The following NKAIN2 variants were observed in gnomAD, a reference collection of about 807,000 sequenced individuals.
NKAIN2 encodes the protein sodium/potassium transporting ATPase interacting 2.
Under a neutral mutation model 32.6 loss-of-function variants are expected in NKAIN2, and 14 were observed. That is an observed-to-expected ratio of 0.43 (90% CI 0.28 to 0.67). The LOEUF (loss-of-function observed/expected upper bound fraction) is 0.67. NKAIN2 is among the 30% of genes least tolerant of loss of function. The pLI, the probability that NKAIN2 is intolerant of heterozygous loss-of-function variation, is 0.17. For synonymous variants in NKAIN2, 80 were observed against 87.2 expected, an observed-to-expected ratio of 0.92 and a Z score of 0.46; for missense variants, 198 against 258.3, an observed-to-expected ratio of 0.77 and a Z score of 1.60.
At chr6:124,006,456 G>A (rs532666962) in intron 1 of NKAIN2, among the ~76,000 whole-genome samples, 4 of 152,284 alleles carry the variant, frequency 2.6e-5, no homozygotes, top group African/African-American at 9.6e-5. Flanking sequence ...AGTTTCTAGT[G>A]ATAGAAACAC....
chr6:124,150,125 C>A (rs533514389), intron 1 of NKAIN2, among the ~76,000 whole-genome samples: 1 of 152,294 alleles, frequency 6.6e-6, no homozygotes, highest in African/African-American at 2.4e-5. Flanking sequence ...CCCCTGGGCT[C>A]TGCAGAACCT....
chr6:124,281,765 G>A (rs1183039621), intron 1 of NKAIN2, among the ~76,000 whole-genome samples: 1 of 152,104 alleles, frequency 6.6e-6, no homozygotes, highest in Non-Finnish European at 1.5e-5. Context: ...ACTGCAGTAG[G>A]AATAATGATC....
At chr6:124,574,137 T>G (rs1781239844) in intron 3 of NKAIN2, among the ~76,000 whole-genome samples, 1 of 152,206 alleles carries the variant, frequency 6.6e-6, no homozygotes, top group Non-Finnish European at 1.5e-5. Context: ...TGGAGGCAGC[T>G]GCAGGGCAAC....
chr6:124,318,927 T>C (rs566173176), intron 2 of NKAIN2, among the ~76,000 whole-genome samples: 1 of 152,242 alleles, frequency 6.6e-6, no homozygotes, highest in South Asian at 2.1e-4. Flanking sequence ...TGAACATTTC[T>C]CCCTTTAGAA....
chr6:124,436,025 T>C (rs1047249922), intron 3 of NKAIN2, among the ~76,000 whole-genome samples: 8 of 152,308 alleles, frequency 5.3e-5, no homozygotes, highest in South Asian at 2.1e-4. Context: ...AAAGTTAAGC[T>C]AACCCCAATA....
Position 124,411,125 on chromosome 6 carries a change from C to T in NKAIN2, c.273+55778C>T, listed in dbSNP as rs370835113. ...AATACAGCACACTGATGGGTCTTGA[C>T]TCTTTATCCAGTTTGCCAGTCTGTG... On this transcript the variant is annotated intron_variant, in intron 3 of 6. Coordinates refer to ENST00000368417, the MANE Select transcript of NKAIN2 (RefSeq NM_001040214.3). Among the ~76,000 whole-genome samples the T allele has an allele frequency of 2.7e-4, 41 of 152,222 alleles. No homozygotes were observed. In the East Asian group the frequency reaches 6.2e-3, roughly 23 times the overall value.
intron 3 of NKAIN2, among the ~76,000 whole-genome samples, chr6:124,529,495 T>C (rs1335923132): frequency 6.6e-6 from 1 of 152,182 alleles, no homozygotes; most frequent in East Asian, 1.9e-4. Context: ...TATATTTCAT[T>C]TCCCTTTAGT....
intron 3 of NKAIN2, among the ~76,000 whole-genome samples, chr6:124,421,960 G>A (rs1413272495): frequency 1.3e-5 from 2 of 152,020 alleles, no homozygotes; most frequent in East Asian, 1.9e-4. Context: ...CCAAAGTGGC[G>A]TATTTTGGGG....
chr6:123,938,079 T>G (rs1046925231), intron 1 of NKAIN2, among the ~76,000 whole-genome samples: 13 of 132,158 alleles, frequency 9.8e-5, no homozygotes, highest in Admixed American at 8.6e-4. Flanking sequence ...CCATCCAGTC[T>G]TCTTTGGTGA....
intron 2 of NKAIN2, among the ~76,000 whole-genome samples, chr6:124,292,032 T>G (rs1562475017): frequency 6.6e-6 from 1 of 152,194 alleles, no homozygotes; most frequent in Non-Finnish European, 1.5e-5. Context: ...TTTCAACATT[T>G]GCCTTTGCTA....
At chr6:124,501,028 G>T (rs986397717) in intron 3 of NKAIN2, among the ~76,000 whole-genome samples, 1 of 152,164 alleles carries the variant, frequency 6.6e-6, no homozygotes, top group Non-Finnish European at 1.5e-5. Flanking sequence ...GCAGTGCGGA[G>T]CCATTGTACA....
intron 1 of NKAIN2, among the ~76,000 whole-genome samples, chr6:124,067,512 C>G (rs1298217619): frequency 1.3e-5 from 2 of 152,128 alleles, no homozygotes; most frequent in Non-Finnish European, 2.9e-5. Flanking sequence ...GACCAGATAT[C>G]TAATTACCAC....
chr6:123,864,188 G>A (rs1775896522), intron 1 of NKAIN2, among the ~76,000 whole-genome samples: 1 of 152,104 alleles, frequency 6.6e-6, no homozygotes, highest in African/African-American at 2.4e-5. Context: ...GATTTCTATA[G>A]CCTGTTTTAA....
intron 3 of NKAIN2, among the ~76,000 whole-genome samples, chr6:124,473,399 A>G (rs754301761): frequency 2.6e-5 from 4 of 152,196 alleles, no homozygotes; most frequent in Non-Finnish European, 2.9e-5. Flanking sequence ...TTAAAATTTG[A>G]AAAACATTGC....
chr6:123,933,763 C>CGTA (rs1776375299), intron 1 of NKAIN2, among the ~76,000 whole-genome samples: 1 of 152,220 alleles, frequency 6.6e-6, no homozygotes, highest in Non-Finnish European at 1.5e-5. Context: ...CAGTCATAGG[C>CGTA]GTAGCCCTTA....
chr6:124,240,678 T>TG lies in NKAIN2; in HGVS notation c.55-42327_55-42326insG, dbSNP rs1793037396. The stretch of plus-strand genomic sequence containing the variant: ...TATCTCAATAGATGCAGAAAAGGCC[T>TG]TCAAAAAAATTAAACACCCCTTCAT... On this transcript the variant is annotated intron_variant, in intron 1 of 6. Transcript: ENST00000368417. Among the ~76,000 whole-genome samples the TG allele has an allele frequency of 5.3e-5, 8 of 152,136 alleles. No individual in the cohort carries two copies. The South Asian group carries it at 1.7e-3, about 32-fold the overall frequency.
chr6:124,511,394 A>T (rs1778706810), intron 3 of NKAIN2, among the ~76,000 whole-genome samples: 1 of 152,304 alleles, frequency 6.6e-6, no homozygotes, highest in South Asian at 2.1e-4. Flanking sequence ...TTCAAATAGG[A>T]GAAGAAATCA....
chr6:124,650,303 A>G (rs1004844820), intron 3 of NKAIN2, among the ~76,000 whole-genome samples: 4 of 152,180 alleles, frequency 2.6e-5, no homozygotes, highest in African/African-American at 9.7e-5. Flanking sequence ...GCAAAGTTTC[A>G]GGGTACAAGG....
At chr6:124,778,124 A>T (rs1460387762) in intron 4 of NKAIN2, among the ~76,000 whole-genome samples, 1 of 152,166 alleles carries the variant, frequency 6.6e-6, no homozygotes, top group African/African-American at 2.4e-5. Context: ...CTTTAAAGGC[A>T]AGAAAAAAAT....
Sources: allele counts gnomAD v4.1 joint callset (sites outside exome capture counted in the v4.1 genomes callset), GRCh38; gene constraint gnomAD v4.1.1; transcripts MANE v1.5; gene names NCBI Gene and HGNC (gene_info 2026-07-23, HGNC 2026-07-21).